The following YKT6 variants were observed in gnomAD, a reference collection of about 807,000 sequenced individuals.
The protein encoded by YKT6 is synaptobrevin homolog YKT6.
YKT6 carries 12 observed loss-of-function variants against 29.3 expected under a neutral mutation model. That is an observed-to-expected ratio of 0.41 (90% CI 0.26 to 0.66). YKT6 has a LOEUF of 0.66. Ranked by LOEUF, YKT6 falls within the 30% of genes least tolerant of loss-of-function variation. YKT6 has a pLI of 0.32. For synonymous variants in YKT6, 86 were observed against 94.3 expected, an observed-to-expected ratio of 0.91 and a Z score of 0.51; for missense variants, 188 against 243.8, an observed-to-expected ratio of 0.77 and a Z score of 1.52.
chr7:44,208,513 T>G, intron 5 of YKT6: 2 of 334,474 alleles, frequency 6.0e-6, no homozygotes, highest in Non-Finnish European at 5.8e-6. Flanking sequence ...AAGACCTGGA[T>G]TCCCACCCTG....
At chr7:44,209,758 T>G (rs1330533199) in intron 5 of YKT6, among the ~76,000 whole-genome samples, 6 of 152,238 alleles carry the variant, frequency 3.9e-5, no homozygotes, top group Non-Finnish European at 1.5e-5. Flanking sequence ...TGCTGCTTCC[T>G]GAGGGCCCTG....
At chr7:44,206,799 CT>C (rs1182997664) in intron 3 of YKT6, among the ~76,000 whole-genome samples, 1 of 152,194 alleles carries the variant, frequency 6.6e-6, no homozygotes, top group Non-Finnish European at 1.5e-5. Flanking sequence ...AGGAGTCTCC[CT>C]CTTGAATGCC....
At chr7:44,211,578 G>T in intron 6 of YKT6, 1 of 1,012,622 alleles carries the variant, frequency 9.9e-7, no homozygotes, top group Non-Finnish European at 1.2e-6. Context: ...ACAAGGATGG[G>T]TGCTGCTGAC....
chr7:44,207,349 G>A lies in YKT6; in HGVS notation c.289-39G>A, dbSNP rs368991261. 1.9e-5 allele frequency: 29 copies of A among 1,560,602 alleles called. No homozygotes were observed. The East Asian group carries it at 6.0e-4, about 33-fold the overall frequency. On this transcript the variant is annotated intron_variant, in intron 3 of 6. Transcript: ENST00000223369. The stretch of plus-strand genomic sequence containing the variant: ...CCTGTCATTGAGACCACTGGTGAGT[G>A]CACAGTGGGAGGCTTGTTGAGTCTC...
At chr7:44,206,870 T>TG (rs1297716261) in intron 3 of YKT6, among the ~76,000 whole-genome samples, 1 of 152,222 alleles carries the variant, frequency 6.6e-6, no homozygotes, top group Non-Finnish European at 1.5e-5. Flanking sequence ...GTCAGTCAGT[T>TG]GCACCACAGA....
intron 2 of YKT6, 130 bp downstream of exon 2, chr7:44,204,780 T>C (rs1184208475): frequency 3.9e-6 from 3 of 772,274 alleles, no homozygotes; most frequent in Non-Finnish European, 6.3e-6. Context: ...TTCCCACCTC[T>C]TCCTTTTCCT....
At chr7:44,201,324 C>A (rs1268639578) in intron 1 of YKT6, 85 bp downstream of exon 1, 3 of 363,760 alleles carry the variant, frequency 8.2e-6, no homozygotes, top group Admixed American at 4.0e-5. Context: ...CTGGGGTCGG[C>A]GGAGGGATGA....
intron 5 of YKT6, 34 bp from the exon 6 acceptor site, chr7:44,210,989 A>G: frequency 6.2e-7 from 1 of 1,611,470 alleles, no homozygotes; most frequent in East Asian, 2.2e-5. Context: ...GCACGTACTG[A>G]ACAGAGCTGG....
chr7:44,205,003 C>G (rs190767182), intron 2 of YKT6, among the ~76,000 whole-genome samples: 1 of 152,178 alleles, frequency 6.6e-6, no homozygotes, highest in Non-Finnish European at 1.5e-5. Context: ...TTCTGTGCAT[C>G]GTAGATTTTT....
chr7:44,202,407 T>G (rs1345942388), intron 1 of YKT6, among the ~76,000 whole-genome samples: 1 of 152,194 alleles, frequency 6.6e-6, no homozygotes, highest in African/African-American at 2.4e-5. Flanking sequence ...AACTCCTTTT[T>G]ATCAAATTCG....
At position 44,213,999 on chromosome 7, in the gene YKT6, C is replaced by G. The variant is rs11540055; in HGVS notation, c.*1717C>G. The G allele has an allele frequency of 0.049, 7,482 of 152,606 alleles. 217 individuals carry two copies. The highest frequency in any genetic ancestry group is 0.064 in the Non-Finnish European group (4,342 of 68,160). 9.5% of individuals were successfully genotyped at this position (152,606 alleles called of 1,614,324 possible). A position where few individuals can be genotyped will look rare whatever the true frequency, so the allele number is the denominator to read the frequency against. ...TGGATCCGAGGGATGCTACCTCTCCCTTTCCCACTTGAGGACCCTGGGGAG... is the reference window on the plus strand; with the variant it reads ...TGGATCCGAGGGATGCTACCTCTCCGTTTCCCACTTGAGGACCCTGGGGAG... On this transcript the variant is annotated 3_prime_UTR_variant, in exon 7 of 7. Coordinates refer to ENST00000223369, the MANE Select transcript of YKT6 (RefSeq NM_006555.4).
chr7:44,206,918 C>T (rs182912902), intron 3 of YKT6, among the ~76,000 whole-genome samples: 7 of 152,134 alleles, frequency 4.6e-5, no homozygotes, highest in South Asian at 2.1e-4. Context: ...TTTTTGCGTA[C>T]GGTGCTAATT....
At chr7:44,212,193 G>GCC in intron 6 of YKT6, 54 bp from the exon 7 acceptor site, 1 of 1,611,856 alleles carries the variant, frequency 6.2e-7, no homozygotes, top group East Asian at 2.2e-5. Flanking sequence ...CAGGATTGGG[G>GCC]CTTCCCTTAC....
chr7:44,210,282 T>G (rs2096345254), intron 5 of YKT6, among the ~76,000 whole-genome samples: 1 of 152,240 alleles, frequency 6.6e-6, no homozygotes, highest in Non-Finnish European at 1.5e-5. Context: ...TCTGTGGGCC[T>G]GGCTGGTGTC....
At chr7:44,211,188 T>G in intron 6 of YKT6, 64 bp downstream of exon 6, 1 of 1,390,038 alleles carries the variant, frequency 7.2e-7, no homozygotes, top group Non-Finnish European at 1.0e-6. Context: ...AGCTTGCTGC[T>G]TCTGGCACTC....
At chr7:44,205,769 T>C (rs751234566) in intron 2 of YKT6, among the ~76,000 whole-genome samples, 1 of 152,224 alleles carries the variant, frequency 6.6e-6, no homozygotes, top group African/African-American at 2.4e-5. Context: ...ACTGTACCTT[T>C]CAATCATATG....
At chr7:44,201,484 G>A (rs926400885) in intron 1 of YKT6, among the ~76,000 whole-genome samples, 2 of 152,164 alleles carry the variant, frequency 1.3e-5, no homozygotes, top group Non-Finnish European at 2.9e-5. Context: ...ATGGAATCTG[G>A]CCGTGGACTC....
intron 5 of YKT6, chr7:44,210,773 G>A: frequency 1.8e-6 from 1 of 568,880 alleles, no homozygotes; most frequent in South Asian, 1.5e-5. Context: ...AGCCTGTGCT[G>A]GGGACAGCTT....
intron 4 of YKT6, among the ~76,000 whole-genome samples, 162 bp from the exon 5 acceptor site, chr7:44,207,971 G>A (rs1404963035): frequency 2.6e-5 from 4 of 152,142 alleles, no homozygotes; most frequent in Non-Finnish European, 5.9e-5. Context: ...TGATCCACCC[G>A]CCTCATCCTC....
Sources: allele counts gnomAD v4.1 joint callset (sites outside exome capture counted in the v4.1 genomes callset), GRCh38; gene constraint gnomAD v4.1.1; transcripts MANE v1.5; gene names NCBI Gene and HGNC (gene_info 2026-07-23, HGNC 2026-07-21).